The following NRXN3 variants were observed in gnomAD, a reference collection of about 807,000 sequenced individuals.
NRXN3 encodes the protein neurexin III.
In NRXN3, 32 loss-of-function variants were observed where a neutral mutation model predicts 137.6. The observed-to-expected ratio is 0.23, with a 90% CI of 0.18 to 0.31. The LOEUF (loss-of-function observed/expected upper bound fraction) is 0.31. Ranked by LOEUF, NRXN3 falls within the 10% of genes least tolerant of loss-of-function variation. The pLI is 1.00. For missense variants in NRXN3, 1,574 were observed against 2,062.5 expected (o/e 0.76, Z 4.59); for synonymous variants, 798 against 784.5 (o/e 1.02, Z -0.29).
rs2099418768 is a variant in NRXN3, at chr14:79,868,144, G to C, written c.*6180G>C. ...AATTCATGTGAAATGCTTAACATAT[G>C]TGTGACAAATAATTATCCTTAAATA... On this transcript the variant is annotated 3_prime_UTR_variant, in exon 21 of 21. Transcript: ENST00000335750. 6.6e-6 allele frequency: 1 copy of C among 152,146 alleles called. No individual in the cohort carries two copies. The highest frequency in any genetic ancestry group is 2.4e-5 in the African/African-American group (1 of 41,436). The allele number at this position is 152,146 out of a possible 1,614,324, so 9.4% of individuals were successfully genotyped here.
chr14:78,751,342 T>C (rs895250061), intron 8 of NRXN3, among the ~76,000 whole-genome samples: 1 of 152,226 alleles, frequency 6.6e-6, no homozygotes, highest in Non-Finnish European at 1.5e-5. Flanking sequence ...ATTCTCTTTA[T>C]AGCTAATTAA....
intron 15 of NRXN3, among the ~76,000 whole-genome samples, chr14:79,423,116 T>C (rs2095605547): frequency 6.6e-6 from 1 of 152,182 alleles, no homozygotes. Flanking sequence ...ACACCGAAGA[T>C]GTCTTGGCTT....
intron 10 of NRXN3, among the ~76,000 whole-genome samples, chr14:78,945,174 T>G (rs1329796796): frequency 2.0e-5 from 3 of 152,210 alleles, no homozygotes; most frequent in Non-Finnish European, 4.4e-5. Flanking sequence ...CTAAACACTT[T>G]CATAGGTTTT....
At chr14:79,610,687 C>T (rs900768064) in intron 16 of NRXN3, among the ~76,000 whole-genome samples, 6 of 152,310 alleles carry the variant, frequency 3.9e-5, no homozygotes, top group Admixed American at 6.5e-5. Flanking sequence ...AATAGAGTTA[C>T]GTGAGTTTTT....
chr14:79,083,121 G>C (rs1414730056), intron 15 of NRXN3, among the ~76,000 whole-genome samples: 1 of 152,156 alleles, frequency 6.6e-6, no homozygotes, highest in Non-Finnish European at 1.5e-5. Context: ...TCCATCAGTG[G>C]TACTGTGTGA....
Position 79,207,701 on chromosome 14 carries a change from C to T in NRXN3, c.3262+219560C>T, listed in dbSNP as rs550934282. Reference sequence around the variant, plus strand: ...CTGCCACAACCTACCACTAAAGATCCTGCTTTGAATGAACCAAGGTCCCAG... The same window carrying T: ...CTGCCACAACCTACCACTAAAGATCTTGCTTTGAATGAACCAAGGTCCCAG... On this transcript the variant is annotated intron_variant, in intron 15 of 20. Transcript: ENST00000335750. 3.3e-5 allele frequency among the ~76,000 whole-genome samples: 5 copies of T among 152,226 alleles called. No individual in the cohort carries two copies. The South Asian group carries it at 1.0e-3, about 32-fold the overall frequency.
intron 16 of NRXN3, among the ~76,000 whole-genome samples, chr14:79,523,261 C>G (rs927289010): frequency 1.3e-5 from 2 of 152,072 alleles, no homozygotes; most frequent in African/African-American, 4.8e-5. Flanking sequence ...TCAGTAAGTA[C>G]AAAATGAAAA....
chr14:79,322,998 C>T (rs993422733), intron 15 of NRXN3, among the ~76,000 whole-genome samples: 22 of 152,150 alleles, frequency 1.4e-4, no homozygotes, highest in Admixed American at 1.3e-3. Context: ...TGGATGAGGG[C>T]TATAACATCT....
At chr14:78,492,235 G>A (rs540163267) in intron 4 of NRXN3, among the ~76,000 whole-genome samples, 56 of 152,294 alleles carry the variant, frequency 3.7e-4, no homozygotes, top group Non-Finnish European at 7.1e-4. Flanking sequence ...GCAGGTGGCT[G>A]TGCAGTGGTA....
At chr14:78,840,557 C>G (rs1054266275) in intron 10 of NRXN3, among the ~76,000 whole-genome samples, 1 of 152,140 alleles carries the variant, frequency 6.6e-6, no homozygotes, top group Non-Finnish European at 1.5e-5. Flanking sequence ...TCACTTCATA[C>G]TTCATGCTCA....
chr14:78,509,559 G>T (rs1039026955), intron 4 of NRXN3, among the ~76,000 whole-genome samples: 4 of 152,072 alleles, frequency 2.6e-5, no homozygotes, highest in African/African-American at 9.7e-5. Context: ...TATATGCTTG[G>T]AAGTCAGGGA....
intron 8 of NRXN3, among the ~76,000 whole-genome samples, chr14:78,733,962 C>G (rs1291366373): frequency 2.0e-5 from 3 of 152,134 alleles, no homozygotes; most frequent in Non-Finnish European, 4.4e-5. Flanking sequence ...AGACCCTGCT[C>G]TTACTGTTGC....
chr14:78,195,052 A>G (rs972484187), intron 1 of NRXN3, among the ~76,000 whole-genome samples: 4 of 151,950 alleles, frequency 2.6e-5, no homozygotes, highest in African/African-American at 9.7e-5. Flanking sequence ...GTTAATTATG[A>G]CTGTCCCCCG....
intron 15 of NRXN3, among the ~76,000 whole-genome samples, chr14:79,266,889 C>T (rs544339977): frequency 9.2e-5 from 14 of 152,240 alleles, no homozygotes; most frequent in East Asian, 5.8e-4. Context: ...TTGCAATTCC[C>T]GTTTTTAGAG....
chr14:79,823,966 A>G, intron 20 of NRXN3: 1 of 432,352 alleles, frequency 2.3e-6, no homozygotes, highest in South Asian at 1.6e-5. Context: ...TATCCTGTAA[A>G]TGACCCATTA....
chr14:79,853,715 T>C, intron 20 of NRXN3: 1 of 1,200,870 alleles, frequency 8.3e-7, no homozygotes, highest in Non-Finnish European at 1.1e-6. Context: ...TGTTAAAATT[T>C]ATGTGCTGTC....
At chr14:79,559,940 C>A (rs1040076304) in intron 16 of NRXN3, among the ~76,000 whole-genome samples, 2 of 151,906 alleles carry the variant, frequency 1.3e-5, no homozygotes, top group African/African-American at 4.8e-5. Context: ...AACAGAGTCC[C>A]CTGCTTTGTG....
rs764624479 is a variant in NRXN3, at chr14:78,714,950, C to T, written c.1855C>T (p.Arg619Cys). ...GCIRDLFIDG[R>C]SKNIRQLAEM... is the part of the protein sequence containing the mutation. ...CATCCGCGACCTATTCATTGATGGG[C>T]GCAGCAAGAACATTCGACAGCTGGC... is the stretch of plus-strand genomic sequence containing the variant. Residue 619 changes from arginine to cysteine, a missense_variant, in exon 8 of 21, where the codon CGC (arginine) becomes TGC (cysteine). Physicochemically the swap from Arg to Cys is radical, Grantham distance 180 (BLOSUM62 -3). Coordinates refer to ENST00000335750, the MANE Select transcript of NRXN3 (RefSeq NM_001330195.2). The T allele has an allele frequency of 1.9e-6, 3 of 1,614,120 alleles. No individual in the cohort carries two copies. The highest frequency in any genetic ancestry group is 1.1e-5 in the South Asian group (1 of 91,078).
intron 17 of NRXN3, among the ~76,000 whole-genome samples, chr14:79,670,574 G>A (rs1386795316): frequency 2.0e-5 from 3 of 152,060 alleles, no homozygotes; most frequent in Non-Finnish European, 4.4e-5. Flanking sequence ...GTACTGGCTA[G>A]AGGTATGTTT....
Sources: gnomAD v4.1 joint callset for allele counts (sites outside exome capture counted in the v4.1 genomes callset) on GRCh38, gnomAD v4.1.1 for gene constraint, MANE v1.5 for transcripts, NCBI Gene and HGNC (gene_info 2026-07-23, HGNC 2026-07-21) for gene names.